Variants in UNC80 observed in about 807,000 individuals in gnomAD.
The protein encoded by UNC80 is unc-80 subunit of NALCN channel complex.
UNC80 carries 164 observed loss-of-function variants against 384.6 expected under a neutral mutation model. That is an observed-to-expected ratio of 0.43 (90% CI 0.38 to 0.49). The LOEUF is 0.49. UNC80 is among the 20% of genes least tolerant of loss of function. The pLI, the probability that UNC80 is intolerant of heterozygous loss-of-function variation, is 0.00. For synonymous variants in UNC80, 1,486 were observed against 1,527.8 expected (o/e 0.97, Z 0.64); for missense variants, 3,330 against 4,143.0 (o/e 0.80, Z 5.39).
At chr2:209,991,530 G>A (rs931175758) in intron 61 of UNC80, among the ~76,000 whole-genome samples, 2 of 152,038 alleles carry the variant, frequency 1.3e-5, no homozygotes, top group Admixed American at 6.5e-5. Flanking sequence ...GCAGTTACTC[G>A]ATTTTAAAGC....
At chr2:209,822,848 T>C (rs1271161730) in intron 13 of UNC80, among the ~76,000 whole-genome samples, 1 of 152,182 alleles carries the variant, frequency 6.6e-6, no homozygotes, top group Admixed American at 6.5e-5. Flanking sequence ...TTATCACTTT[T>C]GATCAGTATG....
intron 22 of UNC80, among the ~76,000 whole-genome samples, chr2:209,865,748 T>C (rs1479207577): frequency 2.6e-5 from 4 of 152,220 alleles, no homozygotes; most frequent in Admixed American, 2.6e-4. Flanking sequence ...ATATTCTTTG[T>C]TCACCATTTT....
intron 51 of UNC80, among the ~76,000 whole-genome samples, chr2:209,962,679 C>G (rs2092630019): frequency 6.6e-6 from 1 of 152,124 alleles, no homozygotes; most frequent in African/African-American, 2.4e-5. Flanking sequence ...TTTATTAACG[C>G]AATTTCTCAC....
At chr2:209,926,521 A>C (rs1480514127) in intron 35 of UNC80, among the ~76,000 whole-genome samples, 1 of 152,212 alleles carries the variant, frequency 6.6e-6, no homozygotes, top group East Asian at 1.9e-4. Flanking sequence ...TTATGCCTGT[A>C]ATTTCAGCAC....
intron 4 of UNC80, among the ~76,000 whole-genome samples, chr2:209,785,224 G>A (rs60640585): frequency 0.15 from 22,323 of 152,124 alleles, 2,470 homozygotes; most frequent in African/African-American, 0.3. Flanking sequence ...AGATGTATTC[G>A]TTAATCTGTG....
At chr2:209,903,597 C>G (rs1344956255) in intron 28 of UNC80, among the ~76,000 whole-genome samples, 20 of 2,100 alleles carry the variant, frequency 9.5e-3, no homozygotes, top group African/African-American at 0.021. Context: ...TATATATATA[C>G]TATATATATA....
intron 60 of UNC80, chr2:209,983,015 T>G (rs1412529342): frequency 6.6e-6 from 1 of 152,046 alleles, no homozygotes; most frequent in Admixed American, 6.6e-5. Flanking sequence ...TCAAAACATT[T>G]ATCTTAAGTA....
intron 16 of UNC80, among the ~76,000 whole-genome samples, chr2:209,832,007 A>T: frequency 6.6e-6 from 1 of 152,204 alleles, no homozygotes; most frequent in East Asian, 1.9e-4. Context: ...GTTTTCTTTT[A>T]TTAAGTACTG....
intron 7 of UNC80, among the ~76,000 whole-genome samples, chr2:209,804,991 A>G (rs1375598684): frequency 3.9e-5 from 6 of 152,164 alleles, no homozygotes; most frequent in Non-Finnish European, 5.9e-5. Flanking sequence ...TATTTGATGT[A>G]TTATCAGAAG....
Position 209,957,557 on chromosome 2 carries a change from G to T in UNC80, c.7458-87G>T. 6 of 1,202,568 alleles carry T rather than the reference G, an allele frequency of 5.0e-6. No individual in the cohort carries two copies. In the South Asian group the frequency reaches 8.6e-5, roughly 17 times the overall value. The allele number at this position is 1,202,568 out of a possible 1,614,324, so 74.5% of individuals were successfully genotyped here. ...TCTAAAACTAACTTAAAACTTATGT[G>T]TGCTTCAGTAACTTGAGGATTTAAT... On this transcript the variant is annotated intron_variant, in intron 48 of 64. Transcript: ENST00000673920.
At chr2:209,994,394 G>T in intron 64 of UNC80, 130 bp downstream of exon 64, 1 of 752,726 alleles carries the variant, frequency 1.3e-6, no homozygotes, top group South Asian at 2.5e-5. Flanking sequence ...AACAGATACT[G>T]CTCCTGCCAT....
intron 18 of UNC80, among the ~76,000 whole-genome samples, chr2:209,838,490 C>T (rs2081500980): frequency 6.6e-6 from 1 of 152,094 alleles, no homozygotes; most frequent in Non-Finnish European, 1.5e-5. Flanking sequence ...CAAGCCCTAC[C>T]TAAGTTTCTT....
At chr2:209,946,378 A>G (rs2091916842) in intron 47 of UNC80, among the ~76,000 whole-genome samples, 1 of 151,856 alleles carries the variant, frequency 6.6e-6, no homozygotes. Context: ...AGAAAAAAAA[A>G]AAAAGAAAGA....
chr2:209,879,221 C>T (rs966766456), intron 24 of UNC80, among the ~76,000 whole-genome samples: 1 of 152,034 alleles, frequency 6.6e-6, no homozygotes, highest in Non-Finnish European at 1.5e-5. Context: ...GAGGTTTATC[C>T]AACAATCACG....
At chr2:209,972,362 G>A in intron 55 of UNC80, 38 bp downstream of exon 55, 1 of 1,544,426 alleles carries the variant, frequency 6.5e-7, no homozygotes, top group Non-Finnish European at 8.7e-7. Context: ...TATCATTGTT[G>A]TTGTGTTCTC....
chr2:209,976,094 A>AT lies in UNC80; in HGVS notation c.8588-20dup, dbSNP rs1302322413. 1 of 1,538,954 alleles carries AT rather than the reference A, an allele frequency of 6.5e-7. No individual in the cohort carries two copies. Reference sequence around the variant, plus strand: ...CTCGGAAGCACACGTCCGCAGGCTCATTTTTCTCTTTTCCCGGTGTGAAGC... The same window carrying AT: ...CTCGGAAGCACACGTCCGCAGGCTCATTTTTTCTCTTTTCCCGGTGTGAAGC... On this transcript the variant is annotated intron_variant, in intron 56 of 64. Transcript: ENST00000673920. This position sits in a 1 kb window ranked among gnomAD's most constrained non-coding sequence, Gnocchi z 4.3.
intron 33 of UNC80, among the ~76,000 whole-genome samples, chr2:209,919,010 G>A (rs1034705987): frequency 6.6e-6 from 1 of 151,918 alleles, no homozygotes; most frequent in African/African-American, 2.4e-5. Flanking sequence ...AAGGACCCTG[G>A]CCCTGAAAAA....
At chr2:209,875,109 A>G (rs1157722153) in intron 23 of UNC80, among the ~76,000 whole-genome samples, 1 of 152,142 alleles carries the variant, frequency 6.6e-6, no homozygotes, top group Non-Finnish European at 1.5e-5. Flanking sequence ...CTGTCAGTGA[A>G]AAGATCTTCC....
In UNC80 at chr2:209,996,410, C is replaced by G. The variant is rs538536594; in HGVS notation, c.*815C>G. On this transcript the variant is annotated 3_prime_UTR_variant, in exon 65 of 65. Transcript: ENST00000673920. ...AAGAGATGGTATTCCTATTCCTAGC[C>G]CTGACTACATCAATACCAAGATTAG... 33 of 152,248 alleles carry G rather than the reference C, an allele frequency of 2.2e-4. No homozygotes were observed. Among genetic ancestry groups the G allele is most frequent in the African/African-American group, 5.8e-4 (24 of 41,534 alleles). The allele number at this position is 152,248 out of a possible 1,614,324, so 9.4% of individuals were successfully genotyped here.
Sources: allele counts gnomAD v4.1 joint callset (sites outside exome capture counted in the v4.1 genomes callset), GRCh38; gene constraint gnomAD v4.1.1; non-coding constraint Gnocchi (gnomAD v3.1); transcripts MANE v1.5; gene names NCBI Gene and HGNC (gene_info 2026-07-23, HGNC 2026-07-21).